Variants in DIAPH2 observed in about 807,000 individuals in gnomAD.
DIAPH2 encodes the protein diaphanous related formin 2.
DIAPH2 carries 35 observed loss-of-function variants against 92.7 expected under a neutral mutation model. The observed-to-expected ratio is 0.38, with a 90% CI of 0.29 to 0.50. The LOEUF (loss-of-function observed/expected upper bound fraction) is 0.50, where lower values mean the gene tolerates loss of function less well. Among genes scored for constraint, DIAPH2 ranks in the 20% least tolerant of loss-of-function variants. DIAPH2 has a pLI of 0.94. For synonymous variants in DIAPH2, 301 were observed against 280.4 expected, an observed-to-expected ratio of 1.07 and a Z score of -0.73; for missense variants, 701 against 819.5, an observed-to-expected ratio of 0.86 and a Z score of 1.77.
intron 25 of DIAPH2, among the ~76,000 whole-genome samples, chrX:97,409,348 T>C (rs2069843321): frequency 8.9e-6 from 1 of 111,840 alleles, no homozygotes; most frequent in South Asian, 3.8e-4. Flanking sequence ...TGAGGGTAGC[T>C]GATAATTTAG....
chrX:97,368,041 G>A (rs2069399989), intron 24 of DIAPH2, among the ~76,000 whole-genome samples: 1 of 112,215 alleles, frequency 8.9e-6, no homozygotes, highest in South Asian at 3.7e-4. Flanking sequence ...AATAACTCAG[G>A]CTCCTGGCAA....
chrX:97,031,202 A>G (rs977544941), intron 17 of DIAPH2, among the ~76,000 whole-genome samples: 2 of 109,944 alleles, frequency 1.8e-5, no homozygotes, highest in African/African-American at 6.6e-5. Context: ...AGTGATGTCC[A>G]TGGGTGACTT....
At chrX:97,101,474 A>G (rs907879418) in intron 20 of DIAPH2, among the ~76,000 whole-genome samples, 1 of 110,898 alleles carries the variant, frequency 9.0e-6, no homozygotes, top group African/African-American at 3.3e-5. Context: ...GAAGTAACCT[A>G]GTCCCCGTAT....
intron 26 of DIAPH2, among the ~76,000 whole-genome samples, chrX:97,461,534 C>A (rs1172645366): frequency 1.8e-5 from 2 of 111,667 alleles, no homozygotes; most frequent in Non-Finnish European, 3.8e-5. Flanking sequence ...TTCTTGGCTT[C>A]CAAGTTGCCT....
At chrX:96,864,211 C>A (rs1424553958) in intron 4 of DIAPH2, among the ~76,000 whole-genome samples, 1 of 111,050 alleles carries the variant, frequency 9.0e-6, no homozygotes, top group Non-Finnish European at 1.9e-5. Context: ...GAAGTCCTAG[C>A]TACAGTTCAG....
intron 25 of DIAPH2, among the ~76,000 whole-genome samples, chrX:97,407,177 T>C (rs191913807): frequency 1.8e-5 from 2 of 111,702 alleles, no homozygotes; most frequent in East Asian, 5.6e-4. Flanking sequence ...AAATACCTGA[T>C]CCATGCCGAA....
intron 22 of DIAPH2, among the ~76,000 whole-genome samples, chrX:97,185,353 G>GTATATATATATATGTATATATATA (rs1387950279): frequency 1.1e-4 from 2 of 18,400 alleles, no homozygotes; most frequent in East Asian, 2.1e-3. Context: ...ATATATATAT[G>GTATATATATATATGTATATATATA]TGTGTATATA....
chrX:97,041,470 G>C (rs925674095), intron 17 of DIAPH2, among the ~76,000 whole-genome samples: 1 of 110,953 alleles, frequency 9.0e-6, no homozygotes, highest in Non-Finnish European at 1.9e-5. Flanking sequence ...CCTATTTTTT[G>C]TTTGTGATGA....
intron 22 of DIAPH2, among the ~76,000 whole-genome samples, chrX:97,162,245 C>T (rs1173222298): frequency 1.8e-5 from 2 of 110,962 alleles, no homozygotes; most frequent in African/African-American, 6.6e-5. Flanking sequence ...GCAAAGACTT[C>T]GAAGCCAGAC....
intron 21 of DIAPH2, among the ~76,000 whole-genome samples, chrX:97,126,792 A>G (rs1426607933): frequency 8.9e-6 from 1 of 112,803 alleles, no homozygotes; most frequent in East Asian, 2.8e-4. Context: ...AAGGAAGGAA[A>G]AAACAATTCC....
intron 23 of DIAPH2, among the ~76,000 whole-genome samples, chrX:97,331,693 C>T (rs191534951): frequency 5.4e-5 from 6 of 111,728 alleles, no homozygotes; most frequent in African/African-American, 1.6e-4. Context: ...TACTTTATAT[C>T]GTGAAATGCA....
intron 11 of DIAPH2, among the ~76,000 whole-genome samples, chrX:96,938,011 A>G (rs777462092): frequency 9.0e-6 from 1 of 111,352 alleles, no homozygotes; most frequent in Admixed American, 9.5e-5. Context: ...GAACCTGGGA[A>G]ACATGTCAAA....
intron 17 of DIAPH2, among the ~76,000 whole-genome samples, chrX:97,016,453 C>A (rs2066261245): frequency 8.9e-6 from 1 of 112,084 alleles, no homozygotes; most frequent in African/African-American, 3.2e-5. Context: ...AAAGAATCAG[C>A]CTTCTTTATA....
At chrX:97,476,729 G>T (rs1414427900) in intron 26 of DIAPH2, among the ~76,000 whole-genome samples, 2 of 107,137 alleles carry the variant, frequency 1.9e-5, no homozygotes, top group African/African-American at 6.8e-5. Flanking sequence ...GGAGGCCGAG[G>T]TAGGGAGTTC....
intron 26 of DIAPH2, among the ~76,000 whole-genome samples, chrX:97,551,328 G>T (rs769308651): frequency 9.0e-6 from 1 of 111,504 alleles, no homozygotes; most frequent in South Asian, 3.8e-4. Flanking sequence ...GGTGGCTCAT[G>T]CCTGTAATCC....
At chrX:97,102,716 G>A (rs2066914174) in intron 20 of DIAPH2, among the ~76,000 whole-genome samples, 1 of 111,838 alleles carries the variant, frequency 8.9e-6, no homozygotes, top group Non-Finnish European at 1.9e-5. Flanking sequence ...GAGGCGGGAG[G>A]ATCACCTGAG....
At chrX:97,435,231 G>A (rs2070170578) in intron 26 of DIAPH2, among the ~76,000 whole-genome samples, 1 of 111,877 alleles carries the variant, frequency 8.9e-6, no homozygotes, top group Non-Finnish European at 1.9e-5. Context: ...GCTATGCAGA[G>A]TAGATGGTGA....
intron 22 of DIAPH2, among the ~76,000 whole-genome samples, chrX:97,156,106 A>C (rs960696369): frequency 8.9e-6 from 1 of 112,331 alleles, no homozygotes; most frequent in Middle Eastern, 4.2e-3. Flanking sequence ...TTCTTCCTGA[A>C]ATAAGTGAGC....
intron 22 of DIAPH2, among the ~76,000 whole-genome samples, chrX:97,230,840 C>A (rs747968510): frequency 3.5e-4 from 39 of 112,473 alleles, no homozygotes; most frequent in Middle Eastern, 4.6e-3. Context: ...AGCCACCAAG[C>A]CTGGCCAGTT....
Sources: gnomAD v4.1 joint callset for allele counts (sites outside exome capture counted in the v4.1 genomes callset) on GRCh38, gnomAD v4.1.1 for gene constraint, MANE v1.5 for transcripts, NCBI Gene and HGNC (gene_info 2026-07-23, HGNC 2026-07-21) for gene names.